Variants in ROBO2 observed in about 807,000 individuals in gnomAD.
ROBO2 encodes roundabout guidance receptor 2.
A neutral mutation model predicts 160.8 loss-of-function variants in ROBO2; 53 were observed. The ratio of observed to expected loss-of-function variants is 0.33; its 90% CI spans 0.26 to 0.41. The LOEUF (loss-of-function observed/expected upper bound fraction) is 0.41, where lower values mean the gene tolerates loss of function less well. Ranked by LOEUF, ROBO2 falls within the 10% of genes least tolerant of loss-of-function variation. The probability of loss-of-function intolerance (pLI) is 1.00; values close to 1 mark genes in which losing one functional copy is unlikely to be tolerated. For missense variants in ROBO2, 1,577 were observed against 1,722.4 expected (o/e 0.92, Z 1.49); for synonymous variants, 664 against 611.7 (o/e 1.09, Z -1.26).
intron 2 of ROBO2, among the ~76,000 whole-genome samples, chr3:76,427,971 A>G (rs1036022988): frequency 1.3e-5 from 2 of 152,198 alleles, no homozygotes; most frequent in African/African-American, 4.8e-5. Context: ...TTACAGGTTT[A>G]AAAAATATAG....
At chr3:77,136,958 A>AT (rs1034740715) in intron 2 of ROBO2, among the ~76,000 whole-genome samples, 14 of 151,828 alleles carry the variant, frequency 9.2e-5, no homozygotes, top group South Asian at 2.1e-4. Flanking sequence ...TTTTTAAATT[A>AT]TTTTTTGTAG....
chr3:76,650,553 A>G (rs2091209317), intron 2 of ROBO2, among the ~76,000 whole-genome samples: 1 of 151,350 alleles, frequency 6.6e-6, no homozygotes, highest in South Asian at 2.1e-4. Flanking sequence ...AAGTGATTCT[A>G]AGCTCTGTTT....
chr3:77,560,047 G>A (rs926427561), intron 9 of ROBO2, among the ~76,000 whole-genome samples: 9 of 152,094 alleles, frequency 5.9e-5, no homozygotes, highest in African/African-American at 2.2e-4. Flanking sequence ...TTGGGCCATA[G>A]AGGTTAATGC....
At chr3:76,576,313 G>T (rs975590250) in intron 2 of ROBO2, among the ~76,000 whole-genome samples, 1 of 152,074 alleles carries the variant, frequency 6.6e-6, no homozygotes, top group African/African-American at 2.4e-5. Flanking sequence ...CGGCAAAAGT[G>T]TCAGCATGAC....
intron 2 of ROBO2, among the ~76,000 whole-genome samples, chr3:76,716,562 CA>C (rs1410964665): frequency 6.6e-6 from 1 of 152,092 alleles, no homozygotes; most frequent in Non-Finnish European, 1.5e-5. Flanking sequence ...TATCAGAGAA[CA>C]AATATCACCT....
rs531898107 is a variant in ROBO2, at chr3:76,675,523, T to G, written c.110-422491T>G. On this transcript the variant is annotated intron_variant, in intron 2 of 26. Coordinates refer to the ROBO2 transcript ENST00000487694. ...GGAAGGGTTCATGAATGCTTTGAAG[T>G]CCAGATCTTACAATGACCTGCAAAT... is the stretch of plus-strand genomic sequence containing the variant. Among the ~76,000 whole-genome samples the G allele has an allele frequency of 4.6e-5, 7 of 152,252 alleles. No individual in the cohort carries two copies. In the East Asian group the frequency reaches 1.4e-3, roughly 29 times the overall value.
rs969533114 is a variant in ROBO2, at chr3:77,040,907, T to G, written c.61+61T>G. On this transcript the variant is annotated intron_variant, in intron 1 of 25. Coordinates refer to ENST00000461745, the Ensembl canonical transcript of ROBO2. ...CCCACCCCCCAATCCCCCAAAACCA[T>G]TTCTTTTTGAATTTGATGTGGGTTA... The G allele has an allele frequency of 1.5e-5, 22 of 1,510,202 alleles. No individual in the cohort carries two copies. The African/African-American group carries it at 2.7e-4, about 19-fold the overall frequency. The allele number at this position is 1,510,202 out of a possible 1,614,324, so 93.6% of individuals were successfully genotyped here.
intron 2 of ROBO2, among the ~76,000 whole-genome samples, chr3:76,706,260 A>T (rs1198781859): frequency 1.3e-5 from 2 of 152,210 alleles, no homozygotes; most frequent in East Asian, 3.9e-4. Flanking sequence ...AAACATTAAA[A>T]CATTGTTCAT....
intron 2 of ROBO2, among the ~76,000 whole-genome samples, chr3:77,319,219 A>G (rs2064399923): frequency 6.6e-6 from 1 of 152,228 alleles, no homozygotes; most frequent in African/African-American, 2.4e-5. Context: ...AAAGTAAAAG[A>G]TAAAGTCACA....
At chr3:76,578,543 C>T (rs2085456805) in intron 2 of ROBO2, among the ~76,000 whole-genome samples, 2 of 152,096 alleles carry the variant, frequency 1.3e-5, no homozygotes, top group African/African-American at 4.8e-5. Context: ...ATCATCATCC[C>T]TCTTGACCTC....
At chr3:76,140,862 TTGTA>T (rs2106753073) in intron 2 of ROBO2, among the ~76,000 whole-genome samples, 1 of 150,292 alleles carries the variant, frequency 6.7e-6, no homozygotes, top group South Asian at 2.1e-4. Context: ...CACATCCATA[TTGTA>T]TGTGTTTTTT....
At chr3:77,557,852 G>C in intron 8 of ROBO2, 92 bp from the exon 10 acceptor site, 2 of 959,186 alleles carry the variant, frequency 2.1e-6, no homozygotes, top group South Asian at 2.6e-5. Flanking sequence ...TATATATTGT[G>C]TTGGGGCTTT....
chr3:77,640,096 C>CTTTTTTTTTTTTTTTTTTTTT (rs1559785171), intron 24 of ROBO2, among the ~76,000 whole-genome samples: 3 of 97,484 alleles, frequency 3.1e-5, no homozygotes, highest in Non-Finnish European at 3.9e-5. Context: ...GCAGAGGAAG[C>CTTTTTTTTTTTTTTTTTTTTT]ATTTTTTTTT....
In ROBO2 at chr3:77,503,563, A is replaced by AT. The variant is rs1338911176; in HGVS notation, c.806+10181_806+10182insT. 3.9e-4 allele frequency among the ~76,000 whole-genome samples: 59 copies of AT among 149,958 alleles called. 1 individual carries two copies. Among genetic ancestry groups the AT allele is most frequent in the African/African-American group, 1.2e-3 (47 of 40,820 alleles). ...AATAAATAAATAAATAAATAAATAA[A>AT]ATAATAATAAGGCTATTTGGAGGAA... is the stretch of plus-strand genomic sequence containing the variant. On this transcript the variant is annotated intron_variant, in intron 5 of 25. Coordinates refer to ENST00000461745, the Ensembl canonical transcript of ROBO2.
intron 2 of ROBO2, among the ~76,000 whole-genome samples, chr3:77,350,537 G>T (rs1179643235): frequency 6.6e-6 from 1 of 152,106 alleles, no homozygotes; most frequent in Non-Finnish European, 1.5e-5. Flanking sequence ...TCGAAGTGCT[G>T]CACAAAAGCA....
At chr3:77,080,214 G>C (rs937860701) in intron 1 of ROBO2, among the ~76,000 whole-genome samples, 1 of 152,108 alleles carries the variant, frequency 6.6e-6, no homozygotes, top group Admixed American at 6.6e-5. Flanking sequence ...GGACAACACC[G>C]TAAGTCACGT....
intron 2 of ROBO2, among the ~76,000 whole-genome samples, chr3:76,642,751 T>C (rs965435985): frequency 6.6e-6 from 1 of 152,178 alleles, no homozygotes. Flanking sequence ...TCTTCAATGA[T>C]ATGTGATACA....
intron 2 of ROBO2, among the ~76,000 whole-genome samples, chr3:77,372,374 T>A (rs2153477786): frequency 6.6e-6 from 1 of 152,132 alleles, no homozygotes; most frequent in East Asian, 1.9e-4. Flanking sequence ...CATTTCTGAC[T>A]TTGATGCTAA....
chr3:76,816,140 AG>A (rs970608353), intron 2 of ROBO2, among the ~76,000 whole-genome samples: 3 of 152,104 alleles, frequency 2.0e-5, no homozygotes, highest in Admixed American at 1.3e-4. Context: ...GGGAATGAGA[AG>A]GGAAAAGGAA....
Sources: allele counts gnomAD v4.1 joint callset (sites outside exome capture counted in the v4.1 genomes callset), GRCh38; gene constraint gnomAD v4.1.1; transcripts MANE v1.5; gene names NCBI Gene and HGNC (gene_info 2026-07-23, HGNC 2026-07-21).